The following GHR variants were observed in gnomAD, a reference collection of about 807,000 sequenced individuals.
The protein encoded by GHR is growth hormone receptor, also known as GH receptor.
In GHR, 35 loss-of-function variants were observed where a neutral mutation model predicts 67.1. The observed-to-expected ratio is 0.52, with a 90% CI of 0.40 to 0.69. GHR has a LOEUF of 0.69. Ranked by LOEUF, GHR falls within the 30% of genes least tolerant of loss-of-function variation. GHR has a pLI of 0.00. For synonymous variants in GHR, 272 were observed against 269.1 expected, an observed-to-expected ratio of 1.01 and a Z score of -0.10; for missense variants, 792 against 764.6, an observed-to-expected ratio of 1.04 and a Z score of -0.42.
At chr5:42,645,844 T>C (rs1754703256) in intron 3 of GHR, among the ~76,000 whole-genome samples, 1 of 152,228 alleles carries the variant, frequency 6.6e-6, no homozygotes, top group Non-Finnish European at 1.5e-5. Flanking sequence ...GCTGACCGAT[T>C]TCTAGGAGCC....
intron 1 of GHR, among the ~76,000 whole-genome samples, chr5:42,545,109 T>G (rs2112392519): frequency 6.6e-6 from 1 of 152,284 alleles, no homozygotes; most frequent in South Asian, 2.1e-4. Context: ...TGTGATGTCC[T>G]CAAGCTTCCT....
At chr5:42,529,500 G>A (rs1747862777) in intron 1 of GHR, among the ~76,000 whole-genome samples, 1 of 152,106 alleles carries the variant, frequency 6.6e-6, no homozygotes, top group African/African-American at 2.4e-5. Flanking sequence ...TTATATGACT[G>A]ATCAGAATTT....
At chr5:42,477,090 T>A (rs1008333918) in intron 1 of GHR, among the ~76,000 whole-genome samples, 7 of 141,098 alleles carry the variant, frequency 5.0e-5, no homozygotes, top group Admixed American at 7.7e-5. Context: ...TGTCCATGTG[T>A]TCTCATTGTT....
rs1391492979 is a variant in GHR, at chr5:42,711,445, C to T, written c.784+73C>T. The T allele has an allele frequency of 4.9e-6, 5 of 1,018,030 alleles. No homozygotes were observed. In the African/African-American group the frequency reaches 7.9e-5, roughly 16 times the overall value. The allele number at this position is 1,018,030 out of a possible 1,614,324, so 63.1% of individuals were successfully genotyped here. ...ATATAACAGTTGATTCACCCCTGCA[C>T]TGGTAGTGTGTTGTCCAAATCAAAA... On this transcript the variant is annotated intron_variant, in intron 7 of 9. Transcript: ENST00000230882.
intron 1 of GHR, among the ~76,000 whole-genome samples, chr5:42,463,584 A>G (rs1744579378): frequency 1.3e-5 from 2 of 152,252 alleles, no homozygotes; most frequent in Admixed American, 1.3e-4. Context: ...TTCTGGAAAT[A>G]TGAAATAAAG....
intron 1 of GHR, among the ~76,000 whole-genome samples, chr5:42,432,236 C>A (rs1427922361): frequency 6.6e-6 from 1 of 152,118 alleles, no homozygotes; most frequent in Non-Finnish European, 1.5e-5. Context: ...TTAAAAAATG[C>A]ACTTTATTTT....
chr5:42,572,659 G>A (rs931016286), intron 2 of GHR, among the ~76,000 whole-genome samples: 3 of 152,134 alleles, frequency 2.0e-5, no homozygotes, highest in South Asian at 4.2e-4. Context: ...AAGCCACAGT[G>A]TTTCATCAGG....
At chr5:42,449,479 T>C (rs894266493) in intron 1 of GHR, among the ~76,000 whole-genome samples, 7 of 152,244 alleles carry the variant, frequency 4.6e-5, no homozygotes, top group African/African-American at 1.4e-4. Context: ...TTTGTGTACA[T>C]TGATTTTTGA....
intron 2 of GHR, among the ~76,000 whole-genome samples, chr5:42,604,042 G>T (rs187729181): frequency 1.6e-4 from 25 of 152,326 alleles, no homozygotes; most frequent in Admixed American, 1.3e-3. Context: ...TTATTATAAA[G>T]GATATTTTAA....
intron 3 of GHR, chr5:42,659,402 G>C (rs1225116863): frequency 6.6e-6 from 1 of 152,128 alleles, no homozygotes; most frequent in Non-Finnish European, 1.5e-5. Context: ...TCAAATATTA[G>C]AAACTCTGCA....
At chr5:42,643,483 A>C (rs143194916) in intron 3 of GHR, among the ~76,000 whole-genome samples, 1 of 152,176 alleles carries the variant, frequency 6.6e-6, no homozygotes, top group Non-Finnish European at 1.5e-5. Context: ...TGGTGTGGGC[A>C]TGAGTCTACC....
At chr5:42,677,215 T>G (rs1335518226) in intron 3 of GHR, among the ~76,000 whole-genome samples, 2 of 152,220 alleles carry the variant, frequency 1.3e-5, no homozygotes, top group Non-Finnish European at 2.9e-5. Flanking sequence ...TCTTCCTTTA[T>G]ATTTTTTCTG....
intron 2 of GHR, among the ~76,000 whole-genome samples, chr5:42,595,730 TG>T (rs1459434155): frequency 6.6e-6 from 1 of 152,118 alleles, no homozygotes; most frequent in Admixed American, 6.5e-5. Flanking sequence ...ATTAATGAAA[TG>T]GGTCTTAAGT....
intron 1 of GHR, chr5:42,468,007 C>T: frequency 1.3e-6 from 1 of 747,570 alleles, no homozygotes; most frequent in Non-Finnish European, 2.3e-6. Context: ...TTTCACAAGC[C>T]TCTCTTAACT....
Position 42,719,180 on chromosome 5 carries a change from C to T in GHR, c.1673C>T (p.Pro558Leu). 6.2e-7 allele frequency: 1 copy of T among 1,614,146 alleles called. No homozygotes were observed. Among genetic ancestry groups the T allele is most frequent in the Non-Finnish European group, 8.5e-7 (1 of 1,180,016 alleles). ...ATCAAGGTTGAATCACACATACAGC[C>T]AAGCTTAAACCAAGAGGACATTTAC... ...PHIKVESHIQPSLNQEDIYIT... is the reference protein window; with the variant it reads ...PHIKVESHIQLSLNQEDIYIT... Residue 558 changes from proline (P) to leucine (L), a missense_variant, in exon 10 of 10, where the codon CCA becomes CTA. Physicochemically the swap from Pro to Leu is moderately conservative, Grantham distance 98. Transcript: ENST00000230882.
intron 3 of GHR, among the ~76,000 whole-genome samples, chr5:42,637,088 C>A (rs1345172638): frequency 6.6e-6 from 1 of 152,076 alleles, no homozygotes; most frequent in Non-Finnish European, 1.5e-5. Flanking sequence ...GGTTGGCAAA[C>A]AGGCCCTCAG....
chr5:42,706,386 T>G (rs1362557919), intron 6 of GHR, among the ~76,000 whole-genome samples: 1 of 152,204 alleles, frequency 6.6e-6, no homozygotes, highest in Non-Finnish European at 1.5e-5. Context: ...AGAAGCTCTT[T>G]GGTTTAATTA....
rs370146810 is a variant in GHR at position 42,711,185 on chromosome 5, C to T, written c.619-22C>T. ...AGTTGTTGACTCTTTGGCCAATATG[C>T]GTTTATATTTTGTCTTGAAAGATGG... is the stretch of plus-strand genomic sequence containing the variant. On this transcript the variant is annotated intron_variant, in intron 6 of 9. Coordinates refer to ENST00000230882, the MANE Select transcript of GHR (RefSeq NM_000163.5). 80 of 1,595,576 alleles carry T rather than the reference C, an allele frequency of 5.0e-5. No homozygotes were observed. In the East Asian group the frequency reaches 6.3e-4, roughly 12 times the overall value.
At chr5:42,567,839 G>A (rs1750036888) in intron 2 of GHR, among the ~76,000 whole-genome samples, 1 of 150,468 alleles carries the variant, frequency 6.6e-6, no homozygotes, top group African/African-American at 2.5e-5. Flanking sequence ...CTTATCTAAT[G>A]AATGGGTTCA....
Sources: gnomAD v4.1 joint callset for allele counts (sites outside exome capture counted in the v4.1 genomes callset) on GRCh38, gnomAD v4.1.1 for gene constraint, MANE v1.5 for transcripts, NCBI Gene and HGNC (gene_info 2026-07-23, HGNC 2026-07-21) for gene names.